The following OPHN1 variants were observed in gnomAD, a reference collection of about 807,000 sequenced individuals.
OPHN1 encodes oligophrenin 1.
OPHN1 carries 11 observed loss-of-function variants against 60.7 expected under a neutral mutation model. The ratio of observed to expected loss-of-function variants is 0.18; its 90% CI spans 0.11 to 0.30. The LOEUF (loss-of-function observed/expected upper bound fraction) is 0.30, where lower values mean the gene tolerates loss of function less well. Among genes scored for constraint, OPHN1 ranks in the 10% least tolerant of loss-of-function variants. The pLI is 1.00. For missense variants in OPHN1, 449 were observed against 611.0 expected (o/e 0.73, Z 2.80); for synonymous variants, 226 against 222.6 (o/e 1.02, Z -0.14).
At chrX:68,184,189 G>A (rs1464931734) in intron 15 of OPHN1, among the ~76,000 whole-genome samples, 2 of 111,573 alleles carry the variant, frequency 1.8e-5, no homozygotes, top group African/African-American at 3.3e-5. Context: ...AAAACTTAAA[G>A]TATAATAGTA....
chrX:68,314,509 G>A (rs773797882), intron 2 of OPHN1, among the ~76,000 whole-genome samples: 4 of 107,395 alleles, frequency 3.7e-5, no homozygotes, highest in East Asian at 5.9e-4. Context: ...CAACAAGAGC[G>A]AAACTCCATT....
chrX:68,071,222 C>A lies in OPHN1; in HGVS notation c.1834+1930G>T, dbSNP rs767300661. The A allele has an allele frequency of 1.4e-5, 9 of 663,157 alleles. No homozygotes were observed. In the African/African-American group the frequency reaches 1.7e-4, roughly 13 times the overall value. 54.7% of individuals were successfully genotyped at this position (663,157 alleles called of 1,213,427 possible). On this transcript the variant is annotated intron_variant, in intron 20 of 24. Coordinates refer to ENST00000355520, the MANE Select transcript of OPHN1 (RefSeq NM_002547.3). ...TCCTTCTTCATCAAAAAACCACCAGCCTTCTGTGGCAGACTGACTCCTACC... is the reference window on the plus strand; with the variant it reads ...TCCTTCTTCATCAAAAAACCACCAGACTTCTGTGGCAGACTGACTCCTACC...
At chrX:68,403,631 G>A (rs1291525431) in intron 2 of OPHN1, among the ~76,000 whole-genome samples, 1 of 110,041 alleles carries the variant, frequency 9.1e-6, no homozygotes, top group Admixed American at 9.9e-5. Context: ...TGTGCCTTTC[G>A]ACTTTAAAAA....
At chrX:68,289,154 T>A (rs1488953510) in intron 3 of OPHN1, among the ~76,000 whole-genome samples, 1 of 110,977 alleles carries the variant, frequency 9.0e-6, no homozygotes. Flanking sequence ...AACACCATCA[T>A]CAATAATAGC....
At chrX:68,317,681 G>C (rs972584112) in intron 2 of OPHN1, among the ~76,000 whole-genome samples, 5 of 103,113 alleles carry the variant, frequency 4.8e-5, no homozygotes, top group African/African-American at 1.4e-4. Context: ...AGGAGGAGGA[G>C]GAAGGGAGAG....
chrX:68,425,533 T>C (rs1032054317), intron 2 of OPHN1, among the ~76,000 whole-genome samples: 3 of 111,733 alleles, frequency 2.7e-5, no homozygotes, highest in African/African-American at 9.8e-5. Flanking sequence ...CAACCCATCC[T>C]TCCAGGAAAG....
intron 19 of OPHN1, among the ~76,000 whole-genome samples, chrX:68,088,868 G>A (rs1248759992): frequency 9.0e-6 from 1 of 110,721 alleles, no homozygotes; most frequent in Non-Finnish European, 1.9e-5. Flanking sequence ...AAGTTGGGAT[G>A]TAACCCCTGG....
chrX:68,134,243 C>T (rs1232039106), intron 15 of OPHN1, among the ~76,000 whole-genome samples: 1 of 111,241 alleles, frequency 9.0e-6, no homozygotes, highest in East Asian at 2.8e-4. Flanking sequence ...AGATCATTTA[C>T]GTTTTGTGAC....
At chrX:68,421,846 C>T (rs753686564) in intron 2 of OPHN1, among the ~76,000 whole-genome samples, 1 of 111,415 alleles carries the variant, frequency 9.0e-6, no homozygotes, top group African/African-American at 3.3e-5. Context: ...CTTTGTCACT[C>T]GTTAGTAATG....
At position 68,193,878 on chromosome X, in the gene OPHN1, T is replaced by G. The variant is rs1200114021; in HGVS notation, c.1201+12A>C. The G allele has an allele frequency of 3.4e-6, 4 of 1,187,974 alleles. No individual in the cohort carries two copies. The highest frequency in any genetic ancestry group is 4.6e-6 in the Non-Finnish European group (4 of 875,432). Reference sequence around the variant, plus strand: ...GATTCAGACAATGCCAAGACTATGGTTCAGATCTTACCTTTGGTCTCAATA... The same window carrying G: ...GATTCAGACAATGCCAAGACTATGGGTCAGATCTTACCTTTGGTCTCAATA... On this transcript the variant is annotated intron_variant, in intron 14 of 24. Transcript: ENST00000355520.
intron 23 of OPHN1, among the ~76,000 whole-genome samples, chrX:68,048,836 C>A (rs2147344126): frequency 8.9e-6 from 1 of 111,765 alleles, no homozygotes; most frequent in Non-Finnish European, 1.9e-5. Flanking sequence ...CCTAGAAGAC[C>A]AAACCAACCT....
intron 2 of OPHN1, among the ~76,000 whole-genome samples, chrX:68,411,037 T>A (rs747705423): frequency 8.9e-6 from 1 of 112,151 alleles, no homozygotes; most frequent in Admixed American, 9.5e-5. Flanking sequence ...AAAAATCAAC[T>A]GACAAAAGGC....
intron 2 of OPHN1, among the ~76,000 whole-genome samples, chrX:68,401,594 GA>G (rs1350995476): frequency 8.9e-6 from 1 of 112,177 alleles, no homozygotes; most frequent in African/African-American, 3.2e-5. Flanking sequence ...TAGTGAAGAT[GA>G]GTGCATAATA....
intron 19 of OPHN1, among the ~76,000 whole-genome samples, chrX:68,091,037 T>C (rs1360484729): frequency 1.8e-5 from 2 of 111,258 alleles, no homozygotes; most frequent in East Asian, 5.6e-4. Context: ...TAAGTCATCA[T>C]CAATGATGCA....
At chrX:68,325,188 T>C (rs756552144) in intron 2 of OPHN1, among the ~76,000 whole-genome samples, 1 of 108,882 alleles carries the variant, frequency 9.2e-6, no homozygotes, top group East Asian at 2.9e-4. Context: ...AATCTGTAGG[T>C]TTTTTTTTAA....
chrX:68,297,525 G>A (rs189544112), intron 3 of OPHN1, among the ~76,000 whole-genome samples: 40 of 111,494 alleles, frequency 3.6e-4, no homozygotes, highest in African/African-American at 1.2e-3. Context: ...TAACCAAAAT[G>A]GTCACCAATC....
intron 2 of OPHN1, among the ~76,000 whole-genome samples, chrX:68,340,928 C>T (rs1044713874): frequency 9.3e-6 from 1 of 107,740 alleles, no homozygotes; most frequent in African/African-American, 3.4e-5. Context: ...ACCGCTTGAA[C>T]CCGGGAGGTG....
intron 2 of OPHN1, among the ~76,000 whole-genome samples, chrX:68,317,380 G>GAAAGAGAGA (rs397961005): frequency 3.8e-5 from 1 of 26,117 alleles, no homozygotes; most frequent in Admixed American, 5.8e-4. Flanking sequence ...AGAAAGAAAG[G>GAAAGAGAGA]AAGGAAGGAA....
rs989548861 is a variant in OPHN1 at position 68,141,957 on chromosome X, AAAG to A, written c.1277-22628_1277-22626del. 8.9e-5 allele frequency among the ~76,000 whole-genome samples: 9 copies of A among 101,214 alleles called. No individual in the cohort carries two copies. The East Asian group carries it at 2.4e-3, about 28-fold the overall frequency. 87.9% of individuals were successfully genotyped at this position (101,214 alleles called of 115,157 possible). A position where few individuals can be genotyped will look rare whatever the true frequency, so the allele number is the denominator to read the frequency against. On this transcript the variant is annotated intron_variant, in intron 15 of 24. Transcript: ENST00000355520. ...GAAAGAAAGAAAGAAAGAAAGAAAG[AAAG>A]AAGAGAGGCAAGAGCCAAGACGGAA...
Sources: gnomAD v4.1 joint callset for allele counts (sites outside exome capture counted in the v4.1 genomes callset) on GRCh38, gnomAD v4.1.1 for gene constraint, MANE v1.5 for transcripts, NCBI Gene and HGNC (gene_info 2026-07-23, HGNC 2026-07-21) for gene names.